DOCK4: variants seen among roughly 807,000 people sequenced by gnomAD.
DOCK4 encodes the protein dedicator of cytokinesis protein 4.
A neutral mutation model predicts 268.1 loss-of-function variants in DOCK4; 97 were observed. The observed-to-expected ratio is 0.36, with a 90% CI of 0.31 to 0.43. DOCK4 has a LOEUF of 0.43. Among genes scored for constraint, DOCK4 ranks in the 20% least tolerant of loss-of-function variants. The pLI is 1.00. For synonymous variants in DOCK4, 954 were observed against 887.2 expected (o/e 1.08, Z -1.34); for missense variants, 2,145 against 2,455.7 (o/e 0.87, Z 2.67).
chr7:111,735,091 A>C lies in DOCK4; in HGVS notation c.5382T>G (p.Leu1794=). ...GTCTTGGAGGGACAGGGGGAGAGAT[A>C]AGTTTCCCACTATCCGACATGTTCT... The part of the protein sequence containing the change: ...EAKNMSDSGK[L]ISPPVPPRPT... The change falls in exon 51 of 53, where the codon CTT becomes CTG. Residue 1794 remains leucine (L), a synonymous_variant. Coordinates refer to ENST00000428084, the MANE Select transcript of DOCK4 (RefSeq NM_001363540.2). 6.2e-7 allele frequency: 1 copy of C among 1,601,066 alleles called. No individual in the cohort carries two copies. The highest frequency in any genetic ancestry group is 8.5e-7 in the Non-Finnish European group (1 of 1,173,614).
At position 112,108,349 on chromosome 7, in the gene DOCK4, T is replaced by G. The variant is rs77415890; in HGVS notation, c.37+97753A>C. On this transcript the variant is annotated intron_variant, in intron 1 of 52. Coordinates refer to ENST00000428084, the MANE Select transcript of DOCK4 (RefSeq NM_001363540.2). ...GAGTGATACATATCCTTCTAGGAAC[T>G]GAATAAAAAGTGACTGATCTAAACA... Among the ~76,000 whole-genome samples the G allele has an allele frequency of 9.2e-4, 140 of 152,336 alleles. 2 individuals are homozygous for G. Among genetic ancestry groups the G allele is most frequent in the African/African-American group, 3.0e-3 (126 of 41,572 alleles).
intron 1 of DOCK4, among the ~76,000 whole-genome samples, chr7:112,006,666 C>A (rs1304358717): frequency 6.6e-6 from 1 of 152,198 alleles, no homozygotes; most frequent in Non-Finnish European, 1.5e-5. Flanking sequence ...CCCTGCCAGT[C>A]GCAAATTCTG....
intron 1 of DOCK4, among the ~76,000 whole-genome samples, chr7:112,044,636 C>G (rs1804672061): frequency 6.6e-6 from 1 of 152,178 alleles, no homozygotes; most frequent in Admixed American, 6.5e-5. Flanking sequence ...CCTCTACCTA[C>G]CTTTGGGTAT....
intron 20 of DOCK4, among the ~76,000 whole-genome samples, chr7:111,870,923 G>A (rs1806371470): frequency 6.6e-6 from 1 of 152,094 alleles, no homozygotes; most frequent in Non-Finnish European, 1.5e-5. Flanking sequence ...AGGCTGAGTG[G>A]GCCGATGTTT....
intron 37 of DOCK4, among the ~76,000 whole-genome samples, chr7:111,768,942 G>C (rs769771173): frequency 1.3e-5 from 2 of 152,082 alleles, no homozygotes; most frequent in South Asian, 4.2e-4. Flanking sequence ...CTTTGGAAGT[G>C]ATTAGGTCAT....
chr7:112,141,202 CT>C (rs1467790784), intron 1 of DOCK4, among the ~76,000 whole-genome samples: 1 of 152,090 alleles, frequency 6.6e-6, no homozygotes, highest in Non-Finnish European at 1.5e-5. Context: ...TATTAAACCC[CT>C]CTGAAAAATC....
At chr7:111,755,473 A>G (rs1279083341) in intron 42 of DOCK4, 42 bp downstream of exon 42, 1 of 1,585,816 alleles carries the variant, frequency 6.3e-7, no homozygotes, top group Middle Eastern at 1.7e-4. Flanking sequence ...CAAGTGAACA[A>G]CTGTGATGAG....
rs1051549981 is a variant in DOCK4 at position 111,834,748 on chromosome 7, T to C, written c.2737-62A>G. ...TAGTAAGGACGTAAAAGAACATCAG[T>C]AACTTACACTGAACTGTCCTCAAAG... On this transcript the variant is annotated intron_variant, in intron 25 of 52. Coordinates refer to ENST00000428084, the MANE Select transcript of DOCK4 (RefSeq NM_001363540.2). 4.5e-6 allele frequency: 5 copies of C among 1,112,416 alleles called. No individual in the cohort carries two copies. The African/African-American group carries it at 8.0e-5, about 18-fold the overall frequency. The allele number at this position is 1,112,416 out of a possible 1,614,324, so 68.9% of individuals were successfully genotyped here. A position where few individuals can be genotyped will look rare whatever the true frequency, so the allele number is the denominator to read the frequency against.
intron 1 of DOCK4, among the ~76,000 whole-genome samples, chr7:112,032,671 T>A (rs1563013927): frequency 1.3e-5 from 2 of 152,196 alleles, no homozygotes; most frequent in Non-Finnish European, 2.9e-5. Flanking sequence ...TAGGCCAGAT[T>A]TTATTTCCAG....
chr7:111,862,350 C>T (rs989471261), intron 23 of DOCK4, among the ~76,000 whole-genome samples: 6 of 151,500 alleles, frequency 4.0e-5, no homozygotes, highest in Non-Finnish European at 2.9e-5. Flanking sequence ...TAATGATTTG[C>T]CATTATTATG....
chr7:112,118,564 C>T (rs1254564569), intron 1 of DOCK4, among the ~76,000 whole-genome samples: 1 of 151,920 alleles, frequency 6.6e-6, no homozygotes, highest in African/African-American at 2.4e-5. Context: ...CCAAAAAAGC[C>T]TTCCTTCTGT....
chr7:111,985,280 G>A (rs1332011386), intron 6 of DOCK4, among the ~76,000 whole-genome samples: 1 of 151,994 alleles, frequency 6.6e-6, no homozygotes, highest in South Asian at 2.1e-4. Flanking sequence ...CCTGTGTAAT[G>A]CCCTATCGAT....
chr7:112,030,349 A>G (rs1434273625), intron 1 of DOCK4, among the ~76,000 whole-genome samples: 1 of 152,250 alleles, frequency 6.6e-6, no homozygotes, highest in Non-Finnish European at 1.5e-5. Context: ...AAAGTCAACT[A>G]TGAATAACCC....
At chr7:111,783,030 AAAAG>A in intron 34 of DOCK4, 106 bp from the exon 35 acceptor site, 6 of 1,147,860 alleles carry the variant, frequency 5.2e-6, no homozygotes, top group South Asian at 2.8e-5. Flanking sequence ...AAAAAAAAAA[AAAAG>A]AAGCCACTTT....
At chr7:112,123,807 T>G (rs1812965357) in intron 1 of DOCK4, among the ~76,000 whole-genome samples, 1 of 152,132 alleles carries the variant, frequency 6.6e-6, no homozygotes, top group South Asian at 2.1e-4. Flanking sequence ...TCAGCTATCA[T>G]AAGGAAGAAA....
Position 111,728,281 on chromosome 7 carries a change from TGA to T in DOCK4, c.5919_5920del (p.Gln1974ValfsTer19). The stretch of plus-strand genomic sequence containing the variant: ...GGTACATAGAAAAGTGACTTATAAC[TGA>T]GAGACCTTGCGGGGCAGGGGCCTGG... On this transcript the variant is annotated frameshift_variant, in exon 53 of 53. Transcript: ENST00000428084. LOFTEE classifies it high-confidence loss of function. 6.7e-7 allele frequency: 1 copy of T among 1,495,578 alleles called. No individual in the cohort carries two copies. Among genetic ancestry groups the T allele is most frequent in the Non-Finnish European group, 8.9e-7 (1 of 1,122,648 alleles). The allele number at this position is 1,495,578 out of a possible 1,614,324, so 92.6% of individuals were successfully genotyped here.
intron 1 of DOCK4, among the ~76,000 whole-genome samples, chr7:112,135,320 G>C (rs148845624): frequency 6.6e-6 from 1 of 151,746 alleles, no homozygotes; most frequent in Non-Finnish European, 1.5e-5. Context: ...TACCTTTTTA[G>C]TCTTATGTTT....
intron 1 of DOCK4, among the ~76,000 whole-genome samples, chr7:112,151,554 T>A (rs2116396802): frequency 6.6e-6 from 1 of 152,142 alleles, no homozygotes; most frequent in South Asian, 2.1e-4. Context: ...GATCTAGAGC[T>A]CGTCACCAGT....
intron 15 of DOCK4, among the ~76,000 whole-genome samples, chr7:111,898,098 G>A (rs1562860406): frequency 3.3e-5 from 5 of 152,114 alleles, no homozygotes; most frequent in Admixed American, 6.5e-5. Context: ...GTAGCCAGAC[G>A]TATCTTCACT....
Sources: gnomAD v4.1 joint callset for allele counts (sites outside exome capture counted in the v4.1 genomes callset) on GRCh38, gnomAD v4.1.1 for gene constraint, MANE v1.5 for transcripts, NCBI Gene and HGNC (gene_info 2026-07-23, HGNC 2026-07-21) for gene names.